The following GYPB variants were observed in gnomAD, a reference collection of about 807,000 sequenced individuals.
GYPB encodes the protein glycophorin-B.
GYPB carries 13 observed loss-of-function variants against 15.3 expected under a neutral mutation model. The observed-to-expected ratio is 0.85, with a 90% CI of 0.55 to 1.35. The LOEUF is 1.35. Among genes scored for constraint, GYPB ranks in the 40% most tolerant of loss-of-function variants. The probability of loss-of-function intolerance (pLI) is 0.00; values close to 1 mark genes in which losing one functional copy is unlikely to be tolerated. For missense variants in GYPB, 131 were observed against 108.3 expected (o/e 1.21, Z -0.93); for synonymous variants, 38 against 36.9 (o/e 1.03, Z -0.11).
chr4:144,004,796 T>G (rs1190927094), intron 1 of GYPB, among the ~76,000 whole-genome samples: 4 of 151,878 alleles, frequency 2.6e-5, no homozygotes, highest in African/African-American at 9.7e-5. Context: ...CCTAAGACCC[T>G]AACCAGCTAA....
chr4:144,012,488 T>C lies in GYPB; in HGVS notation c.37+6763A>G, dbSNP rs2149967636. 1.3e-5 allele frequency: 2 copies of C among 151,518 alleles called. 1 individual carries two copies. Among genetic ancestry groups the C allele is most frequent in the African/African-American group, 4.9e-5 (2 of 40,824 alleles). The allele number at this position is 151,518 out of a possible 1,614,324, so 9.4% of individuals were successfully genotyped here. On this transcript the variant is annotated intron_variant, in intron 1 of 4. Transcript: ENST00000502664. Reference sequence around the variant, plus strand: ...ATGGAAAACCTAATCCTAAAATTTCTGTGAAATTATTAGGGATCTAAATAG... The same window carrying C: ...ATGGAAAACCTAATCCTAAAATTTCCGTGAAATTATTAGGGATCTAAATAG...
At chr4:144,009,496 A>G (rs1728098611) in intron 1 of GYPB, among the ~76,000 whole-genome samples, 1 of 150,762 alleles carries the variant, frequency 6.6e-6, no homozygotes, top group Admixed American at 6.6e-5. Flanking sequence ...AAACCAAAGC[A>G]TAAATAAATG....
chr4:144,007,161 A>C (rs1305252287), intron 1 of GYPB, among the ~76,000 whole-genome samples: 17 of 150,774 alleles, frequency 1.1e-4, no homozygotes, highest in Admixed American at 2.0e-4. Context: ...AGAAAAATTG[A>C]ACTTAAGGAT....
chr4:143,995,996 C>G, downstream of GYPB: 1 of 454,792 alleles, frequency 2.2e-6, no homozygotes, highest in Non-Finnish European at 3.6e-6. Context: ...GCATGTTCTC[C>G]GCTGTTGGCT....
chr4:143,997,713 C>T (rs962566442), intron 3 of GYPB, 79 bp from the exon 4 acceptor site: 8 of 776,512 alleles, frequency 1.0e-5, no homozygotes, highest in African/African-American at 5.2e-5. Flanking sequence ...ATAACATCAG[C>T]ATAACATCAC....
At chr4:144,005,578 A>G (rs1262980347) in intron 1 of GYPB, among the ~76,000 whole-genome samples, 2 of 151,576 alleles carry the variant, frequency 1.3e-5, no homozygotes. Flanking sequence ...ATTTTGCTCT[A>G]GCAATGCTGA....
intron 3 of GYPB, among the ~76,000 whole-genome samples, chr4:143,998,621 T>G (rs1579046398): frequency 7.1e-6 from 1 of 140,754 alleles, no homozygotes; most frequent in South Asian, 2.4e-4. Flanking sequence ...GGAAGGGATG[T>G]CCCTTCAGCA....
chr4:144,000,683 ATG>A (rs1232697481), intron 2 of GYPB, among the ~76,000 whole-genome samples: 1 of 151,150 alleles, frequency 6.6e-6, no homozygotes, highest in African/African-American at 2.5e-5. Context: ...GTCACTGAGA[ATG>A]TGTGAGGCTC....
chr4:144,016,111 A>T (rs1728483277), intron 1 of GYPB, among the ~76,000 whole-genome samples: 1 of 145,856 alleles, frequency 6.9e-6, no homozygotes, highest in Non-Finnish European at 1.5e-5. Context: ...TTAAATAGAC[A>T]GCTAGCAAGG....
At chr4:144,017,231 TG>T (rs1381481233) in intron 1 of GYPB, among the ~76,000 whole-genome samples, 6 of 149,978 alleles carry the variant, frequency 4.0e-5, no homozygotes, top group East Asian at 1.9e-4. Context: ...TTAGAAAAAA[TG>T]GGTTCTCCAT....
chr4:144,017,021 T>G lies in GYPB; in HGVS notation c.37+2230A>C, dbSNP rs571753181. 163 of 354,388 alleles carry G rather than the reference T, an allele frequency of 4.6e-4. 1 individual carries two copies. Among genetic ancestry groups the G allele is most frequent in the South Asian group, 3.2e-3 (139 of 43,322 alleles). 22.0% of individuals were successfully genotyped at this position (354,388 alleles called of 1,614,324 possible). A position where few individuals can be genotyped will look rare whatever the true frequency, so the allele number is the denominator to read the frequency against. The stretch of plus-strand genomic sequence containing the variant: ...TTTGTATTAGTTTTGACTGTTTTTA[T>G]CTTATTTTAATAAGATAGTTGTTGT... On this transcript the variant is annotated intron_variant, in intron 1 of 4. Coordinates refer to ENST00000502664, the MANE Select transcript of GYPB (RefSeq NM_002100.6).
intron 1 of GYPB, among the ~76,000 whole-genome samples, chr4:144,013,117 A>C (rs970760917): frequency 1.7e-5 from 2 of 114,412 alleles, no homozygotes; most frequent in African/African-American, 6.4e-5. Context: ...GACAAAAATA[A>C]ATTTAAAAAT....
chr4:143,996,524 G>A lies in GYPB; in HGVS notation c.271-220C>T, dbSNP rs998632276. Among the ~76,000 whole-genome samples, 8 of 151,022 alleles carry A rather than the reference G, an allele frequency of 5.3e-5. 2 individuals are homozygous for A. The highest frequency in any genetic ancestry group is 2.0e-4 in the African/African-American group (8 of 40,424). Reference sequence around the variant, plus strand: ...CTCACACCTGTAATCCCAGCACTTTGGAGGCCAAGGCAGGTGGATCACTTG... The same window carrying A: ...CTCACACCTGTAATCCCAGCACTTTAGAGGCCAAGGCAGGTGGATCACTTG... On this transcript the variant is annotated intron_variant, in intron 4 of 4. Coordinates refer to ENST00000502664, the MANE Select transcript of GYPB (RefSeq NM_002100.6).
intron 2 of GYPB, among the ~76,000 whole-genome samples, chr4:143,999,778 TA>T (rs1365837140): frequency 2.0e-5 from 3 of 151,344 alleles, no homozygotes; most frequent in African/African-American, 7.4e-5. Context: ...TTAAAACATG[TA>T]AAAAATAATG....
chr4:144,016,213 A>C (rs1462230966), intron 1 of GYPB, among the ~76,000 whole-genome samples: 2 of 147,110 alleles, frequency 1.4e-5, no homozygotes, highest in African/African-American at 2.6e-5. Context: ...TCTCAGACTG[A>C]TGTACCTGCA....
chr4:144,001,818 C>T (rs1301333164), intron 1 of GYPB, among the ~76,000 whole-genome samples: 1 of 150,860 alleles, frequency 6.6e-6, no homozygotes, highest in Non-Finnish European at 1.5e-5. Context: ...CTCAGTGTCT[C>T]CATCTGCTAG....
chr4:144,007,051 T>C (rs1229283195), intron 1 of GYPB, among the ~76,000 whole-genome samples: 5 of 150,346 alleles, frequency 3.3e-5, no homozygotes, highest in Non-Finnish European at 5.9e-5. Context: ...TCAATCTTGG[T>C]CAAGTTGTGA....
At chr4:144,003,441 C>G (rs180708158) in intron 1 of GYPB, among the ~76,000 whole-genome samples, 1,983 of 151,274 alleles carry the variant, frequency 0.013, 135 homozygotes, top group African/African-American at 0.046. Flanking sequence ...GGTGGAGAAG[C>G]CCTATAGCCT....
chr4:143,996,095 A>C (rs1272116949), downstream of GYPB: 64 of 1,344,058 alleles, frequency 4.8e-5, no homozygotes, highest in African/African-American at 7.7e-5. Flanking sequence ...CATGACTATA[A>C]TACATGAAAA....
Sources: allele counts gnomAD v4.1 joint callset (sites outside exome capture counted in the v4.1 genomes callset), GRCh38; gene constraint gnomAD v4.1.1; transcripts MANE v1.5; gene names NCBI Gene and HGNC (gene_info 2026-07-23, HGNC 2026-07-21).